CCDC141: variants seen among roughly 807,000 people sequenced by gnomAD.
The protein encoded by CCDC141 is coiled-coil domain-containing protein 141.
A neutral mutation model predicts 181.0 loss-of-function variants in CCDC141; 168 were observed. The ratio of observed to expected loss-of-function variants is 0.93; its 90% CI spans 0.82 to 1.05. The LOEUF (loss-of-function observed/expected upper bound fraction) is 1.05. Ranked by LOEUF, CCDC141 falls within the 50% of genes least tolerant of loss-of-function variation. The pLI, the probability that CCDC141 is intolerant of heterozygous loss-of-function variation, is 0.00. For synonymous variants in CCDC141, 666 were observed against 642.3 expected (o/e 1.04, Z -0.56); for missense variants, 1,902 against 1,788.5 (o/e 1.06, Z -1.14).
chr2:178,981,254 T>A (rs1691376792), intron 2 of CCDC141, among the ~76,000 whole-genome samples: 1 of 152,104 alleles, frequency 6.6e-6, no homozygotes, highest in Admixed American at 6.5e-5. Context: ...TTGATCTAAT[T>A]GGCATTTATA....
chr2:178,973,534 T>C (rs975679976), intron 4 of CCDC141, among the ~76,000 whole-genome samples: 5 of 152,186 alleles, frequency 3.3e-5, no homozygotes, highest in African/African-American at 7.2e-5. Flanking sequence ...CAAAGCAGCA[T>C]GTGCCCCATA....
chr2:178,865,837 T>G lies in CCDC141; in HGVS notation c.2654A>C (p.Lys885Thr). 7 of 1,607,530 alleles carry G rather than the reference T, an allele frequency of 4.4e-6. No homozygotes were observed. The highest frequency in any genetic ancestry group is 5.9e-6 in the Non-Finnish European group (7 of 1,176,578). Reference sequence around the variant, plus strand: ...CAGGGTCCGTCCATACTCCTCAGCTTTGGCACGCCACTTCATGCTGTCCTC... The same window carrying G: ...CAGGGTCCGTCCATACTCCTCAGCTGTGGCACGCCACTTCATGCTGTCCTC... Reference protein sequence around the residue: ...LEEDSMKWRAKAEEYGRTLSR... With the variant: ...LEEDSMKWRATAEEYGRTLSR... The change falls in exon 17 of 24, where the codon AAA becomes ACA. Residue 885 changes from lysine to threonine, a missense_variant. Transcript: ENST00000443758.
intron 19 of CCDC141, 50 bp from the exon 20 acceptor site, chr2:178,853,674 A>T: frequency 6.7e-7 from 1 of 1,503,570 alleles, no homozygotes; most frequent in Non-Finnish European, 9.0e-7. Flanking sequence ...CATCCTTCTA[A>T]AGTTCTTAAT....
At chr2:178,822,033 T>A in the CCDC141 span, among the ~76,000 whole-genome samples, 1 of 152,014 alleles carries the variant, frequency 6.6e-6, no homozygotes, top group Non-Finnish European at 1.5e-5. Context: ...ATAGACTGGA[T>A]TAAGAAAATG....
At chr2:179,010,094 A>G (rs1038013036) in intron 2 of CCDC141, among the ~76,000 whole-genome samples, 4 of 152,058 alleles carry the variant, frequency 2.6e-5, no homozygotes, top group African/African-American at 9.7e-5. Flanking sequence ...CAATCCAACA[A>G]AGACAAAGAA....
chr2:178,921,633 G>C (rs574389139), intron 6 of CCDC141, among the ~76,000 whole-genome samples: 1 of 152,118 alleles, frequency 6.6e-6, no homozygotes. Context: ...CTAGAGGAAA[G>C]TGTGGTGTGG....
At chr2:178,848,941 T>C (rs13004438) in intron 21 of CCDC141, among the ~76,000 whole-genome samples, 43,589 of 152,062 alleles carry the variant, frequency 0.29, 8,110 homozygotes, top group Non-Finnish European at 0.42. Context: ...TTGTAGAATT[T>C]ATGTGTGGGT....
chr2:178,966,281 G>A (rs367672746), intron 4 of CCDC141, among the ~76,000 whole-genome samples: 2 of 152,208 alleles, frequency 1.3e-5, no homozygotes, highest in Non-Finnish European at 2.9e-5. Context: ...GGGTCAGACT[G>A]TCTCCTCAAG....
rs1332566710 is a variant in CCDC141 at position 178,885,106 on chromosome 2, G to C, written c.1528-14C>G. 15 of 1,532,342 alleles carry C rather than the reference G, an allele frequency of 9.8e-6. No homozygotes were observed. Among genetic ancestry groups the C allele is most frequent in the Non-Finnish European group, 1.3e-5 (15 of 1,133,858 alleles). 94.9% of individuals were successfully genotyped at this position (1,532,342 alleles called of 1,614,324 possible). ...ATGTGATGTCTCCTGTAAAAGCAAAGCACTGGAGGTCAGAAACTGACAGGG... is the reference window on the plus strand; with the variant it reads ...ATGTGATGTCTCCTGTAAAAGCAAACCACTGGAGGTCAGAAACTGACAGGG... On this transcript the variant is annotated splice_polypyrimidine_tract_variant and intron_variant, in intron 10 of 23. Coordinates refer to ENST00000443758, the MANE Select transcript of CCDC141 (RefSeq NM_173648.4).
chr2:178,886,984 T>C (rs1486734968), intron 9 of CCDC141, 113 bp from the exon 10 acceptor site: 1 of 615,572 alleles, frequency 1.6e-6, no homozygotes, highest in Admixed American at 4.1e-5. Flanking sequence ...ACTTGAAATG[T>C]ATTTTATCAG....
rs7573293 is a variant in CCDC141 at position 178,888,518 on chromosome 2, C to A, written c.1407+9G>T. The stretch of plus-strand genomic sequence containing the variant: ...ACTTAGATATTTAAGTTTTAGTTTA[C>A]GAAACTACCTTCCGTAGGTAACCCT... On this transcript the variant is annotated intron_variant, in intron 9 of 23. Transcript: ENST00000443758. 7.1e-6 allele frequency: 11 copies of A among 1,549,530 alleles called. No individual in the cohort carries two copies. In the East Asian group the frequency reaches 2.7e-4, roughly 38 times the overall value.
intron 8 of CCDC141, among the ~76,000 whole-genome samples, chr2:178,892,198 C>T (rs1265548769): frequency 6.7e-6 from 1 of 149,278 alleles, no homozygotes; most frequent in Non-Finnish European, 1.5e-5. Context: ...TTACGTTAAA[C>T]CAAATTTATC....
At position 179,039,308 on chromosome 2, in the gene CCDC141, T is replaced by C. The variant is rs960236650; in HGVS notation, c.225+7976A>G. 1.4e-4 allele frequency among the ~76,000 whole-genome samples: 22 copies of C among 152,296 alleles called. No individual in the cohort carries two copies. The Middle Eastern group carries it at 0.017, about 118-fold the overall frequency. On this transcript the variant is annotated intron_variant, in intron 2 of 23. Coordinates refer to ENST00000443758, the MANE Select transcript of CCDC141 (RefSeq NM_173648.4). ...CAGTTTTCGGAATTTTTTTCTTTAG[T>C]CTATCTAAATTACTAGGGTTTGAGA...
chr2:178,853,554 G>A lies in CCDC141; in HGVS notation c.3131C>T (p.Thr1044Ile), dbSNP rs772982644. 1.2e-6 allele frequency: 2 copies of A among 1,614,094 alleles called. No homozygotes were observed. The highest frequency in any genetic ancestry group is 2.2e-5 in the South Asian group (2 of 91,074). The change falls in exon 20 of 24, where the codon ACA becomes ATA. Residue 1044 changes from threonine to isoleucine, a missense_variant. Coordinates refer to ENST00000443758, the MANE Select transcript of CCDC141 (RefSeq NM_173648.4). ...GTGGAGAATTTTCACAGCTTCCTTTGTCTTGCACTCTGTGGAATATTTTCC... is the reference window on the plus strand; with the variant it reads ...GTGGAGAATTTTCACAGCTTCCTTTATCTTGCACTCTGTGGAATATTTTCC... ...RVGKYSTECKTKEAVKILHQQ... is the reference protein window; with the variant it reads ...RVGKYSTECKIKEAVKILHQQ...
At chr2:179,035,023 G>GT (rs1486833041) in intron 2 of CCDC141, among the ~76,000 whole-genome samples, 2 of 152,054 alleles carry the variant, frequency 1.3e-5, no homozygotes, top group African/African-American at 4.8e-5. Flanking sequence ...TCAAATATCA[G>GT]TTTTTCTGTC....
At chr2:179,009,285 G>C (rs1437631837) in intron 2 of CCDC141, among the ~76,000 whole-genome samples, 2 of 152,116 alleles carry the variant, frequency 1.3e-5, no homozygotes, top group African/African-American at 4.8e-5. Flanking sequence ...TCCAACTTCT[G>C]ATGTCTGAAA....
At chr2:178,920,112 A>G (rs1487382173) in intron 6 of CCDC141, among the ~76,000 whole-genome samples, 1 of 152,196 alleles carries the variant, frequency 6.6e-6, no homozygotes, top group African/African-American at 2.4e-5. Flanking sequence ...GATTATCTCT[A>G]ACATGACTGT....
chr2:178,953,397 A>G (rs1690036405), intron 5 of CCDC141, among the ~76,000 whole-genome samples: 2 of 151,250 alleles, frequency 1.3e-5, no homozygotes. Context: ...AGATTGCACC[A>G]CTGCACTCCA....
chr2:178,830,788 C>T lies in CCDC141; in HGVS notation c.*3385G>A, dbSNP rs976607490. 6 of 152,284 alleles carry T rather than the reference C, an allele frequency of 3.9e-5. No individual in the cohort carries two copies. The highest frequency in any genetic ancestry group is 1.4e-4 in the African/African-American group (6 of 41,438). 9.4% of individuals were successfully genotyped at this position (152,284 alleles called of 1,614,324 possible). ...AGGCTTCCCAGGGGAAGTTGTGTCT[C>T]AGCAGAACTGGAACATAAGCAAGAG... On this transcript the variant is annotated 3_prime_UTR_variant, in exon 24 of 24. Transcript: ENST00000443758.
Sources: gnomAD v4.1 joint callset for allele counts (sites outside exome capture counted in the v4.1 genomes callset) on GRCh38, gnomAD v4.1.1 for gene constraint, MANE v1.5 for transcripts, NCBI Gene and HGNC (gene_info 2026-07-23, HGNC 2026-07-21) for gene names.